Variants in DIS3L2 observed in about 807,000 individuals in gnomAD.
DIS3L2 encodes the protein DIS3 like 3'-5' exoribonuclease 2, also known as DIS3-like exonuclease 2.
In DIS3L2, 34 loss-of-function variants were observed where a neutral mutation model predicts 97.5. That is an observed-to-expected ratio of 0.35 (90% CI 0.27 to 0.46). The LOEUF (loss-of-function observed/expected upper bound fraction) is 0.46. Ranked by LOEUF, DIS3L2 falls within the 20% of genes least tolerant of loss-of-function variation. The probability of loss-of-function intolerance (pLI) is 1.00; values close to 1 mark genes in which losing one functional copy is unlikely to be tolerated. For synonymous variants in DIS3L2, 435 were observed against 445.2 expected (o/e 0.98, Z 0.29); for missense variants, 1,038 against 1,146.0 (o/e 0.91, Z 1.36).
intron 9 of DIS3L2, among the ~76,000 whole-genome samples, chr2:232,165,439 A>G (rs1375167252): frequency 6.6e-6 from 1 of 152,218 alleles, no homozygotes; most frequent in Non-Finnish European, 1.5e-5. Context: ...AACAGTGACT[A>G]CCATGGAGAG....
chr2:232,095,414 A>G (rs1574870951), intron 6 of DIS3L2, among the ~76,000 whole-genome samples: 1 of 152,366 alleles, frequency 6.6e-6, no homozygotes, highest in East Asian at 1.9e-4. Flanking sequence ...TTTTATAAAT[A>G]AATAAGCAAA....
Position 232,336,564 on chromosome 2 carries a change from C to A in DIS3L2, c.2592C>A (p.Gly864=). 6.2e-7 allele frequency: 1 copy of A among 1,609,466 alleles called. No homozygotes were observed. The highest frequency in any genetic ancestry group is 8.5e-7 in the Non-Finnish European group (1 of 1,179,946). Residue 864 remains glycine, a synonymous_variant, in exon 21 of 21, where the codon GGC becomes GGA. Coordinates refer to ENST00000325385, the MANE Select transcript of DIS3L2 (RefSeq NM_152383.5). ...SAILKRPGTQ[G]HLGPEKEEEE... ...TCCTGAAGCGGCCAGGCACCCAGGG[C>A]CACCTGGGCCCTGAGAAGGAGGAGG...
intron 1 of DIS3L2, among the ~76,000 whole-genome samples, chr2:231,971,209 G>A (rs1165987379): frequency 6.6e-6 from 1 of 151,504 alleles, no homozygotes; most frequent in Non-Finnish European, 1.5e-5. Flanking sequence ...GGAGGTGCGT[G>A]TACAGGTTTG....
chr2:232,193,443 G>T (rs1691668937), intron 9 of DIS3L2, among the ~76,000 whole-genome samples: 1 of 152,252 alleles, frequency 6.6e-6, no homozygotes, highest in Middle Eastern at 3.4e-3. Flanking sequence ...GTAATAACAG[G>T]TATAGTGCTT....
At chr2:231,973,763 T>G (rs980543872) in intron 1 of DIS3L2, among the ~76,000 whole-genome samples, 2 of 152,168 alleles carry the variant, frequency 1.3e-5, no homozygotes, top group Admixed American at 6.5e-5. Context: ...AGCTGATTAC[T>G]CCTATATCTC....
At chr2:232,333,194 TCCTCCTCCTCCTCC>T (rs1695810825) in intron 16 of DIS3L2, among the ~76,000 whole-genome samples, 1 of 61,098 alleles carries the variant, frequency 1.6e-5, no homozygotes, top group Non-Finnish European at 2.8e-5. Context: ...CTCCTCCTCC[TCCTCCTCCTCCTCC>T]TCCTCCTCCT....
intron 10 of DIS3L2, among the ~76,000 whole-genome samples, chr2:232,219,698 T>C (rs529011446): frequency 6.6e-6 from 1 of 152,252 alleles, no homozygotes; most frequent in African/African-American, 2.4e-5. Flanking sequence ...CTTATTTCCT[T>C]GCCAGGTGTC....
chr2:232,072,607 AT>A (rs544334736), intron 5 of DIS3L2, among the ~76,000 whole-genome samples: 175 of 152,254 alleles, frequency 1.1e-3, no homozygotes, highest in Middle Eastern at 6.8e-3. Flanking sequence ...CATATCACTT[AT>A]GTTTCATAGG....
intron 9 of DIS3L2, among the ~76,000 whole-genome samples, chr2:232,194,158 T>C (rs139140188): frequency 2.0e-5 from 3 of 152,186 alleles, no homozygotes; most frequent in Admixed American, 6.5e-5. Flanking sequence ...ATATTTGTTA[T>C]CTCTACTATA....
intron 9 of DIS3L2, among the ~76,000 whole-genome samples, chr2:232,185,050 G>A (rs896468225): frequency 6.6e-6 from 1 of 152,152 alleles, no homozygotes; most frequent in African/African-American, 2.4e-5. Flanking sequence ...ACTTAAATAT[G>A]ACTCTGTCTC....
At chr2:232,124,342 T>C (rs999538084) in intron 6 of DIS3L2, among the ~76,000 whole-genome samples, 1 of 152,038 alleles carries the variant, frequency 6.6e-6, no homozygotes, top group Admixed American at 6.5e-5. Flanking sequence ...ACATAGCAAA[T>C]TGGAAAAGAA....
intron 6 of DIS3L2, among the ~76,000 whole-genome samples, chr2:232,108,344 C>T (rs1217706440): frequency 6.6e-6 from 1 of 152,134 alleles, no homozygotes; most frequent in Non-Finnish European, 1.5e-5. Flanking sequence ...TAAAATCTCT[C>T]AATAAACTAG....
At chr2:232,240,878 A>G (rs975087383) in intron 11 of DIS3L2, among the ~76,000 whole-genome samples, 1 of 152,208 alleles carries the variant, frequency 6.6e-6, no homozygotes, top group African/African-American at 2.4e-5. Flanking sequence ...CAAAATCAGA[A>G]AATGAAAAAA....
intron 9 of DIS3L2, among the ~76,000 whole-genome samples, chr2:232,182,868 T>G (rs1231747582): frequency 1.3e-5 from 2 of 152,224 alleles, no homozygotes; most frequent in African/African-American, 4.8e-5. Context: ...CCTCCCTTCA[T>G]TTCCAAGGTT....
chr2:232,014,875 A>G lies in DIS3L2; in HGVS notation c.-53A>G. 6.3e-7 allele frequency: 1 copy of G among 1,598,912 alleles called. No homozygotes were observed. Among genetic ancestry groups the G allele is most frequent in the South Asian group, 1.1e-5 (1 of 90,240 alleles). ...CTGCTCAAGGCGGGAACTCTGAGCTAAGCAGTGGAGGTTTCTCTGGATCTG... is the reference window on the plus strand; with the variant it reads ...CTGCTCAAGGCGGGAACTCTGAGCTGAGCAGTGGAGGTTTCTCTGGATCTG... On this transcript the variant is annotated 5_prime_UTR_variant, in exon 2 of 21. An upstream open reading frame in the 5' UTR loses its in-frame stop. Transcript: ENST00000325385.
intron 20 of DIS3L2, 197 bp from the exon 21 acceptor site, chr2:232,336,272 C>T (rs1254527014): frequency 7.8e-6 from 12 of 1,545,854 alleles, no homozygotes; most frequent in African/African-American, 5.5e-5. Context: ...TGGGAGCGCT[C>T]AGGATGCATC....
chr2:232,146,307 G>T (rs572489124), intron 8 of DIS3L2, among the ~76,000 whole-genome samples: 2 of 152,178 alleles, frequency 1.3e-5, no homozygotes, highest in Non-Finnish European at 2.9e-5. Flanking sequence ...TTCTGTTGCA[G>T]AGTGAATGGA....
chr2:232,107,369 TAGA>T (rs892943243), intron 6 of DIS3L2, among the ~76,000 whole-genome samples: 51 of 152,212 alleles, frequency 3.4e-4, no homozygotes, highest in African/African-American at 1.2e-3. Flanking sequence ...GCTAGACTAA[TAGA>T]AGGAGAGAAG....
intron 1 of DIS3L2, among the ~76,000 whole-genome samples, chr2:231,973,220 C>T (rs1463269993): frequency 6.6e-6 from 1 of 152,078 alleles, no homozygotes; most frequent in Non-Finnish European, 1.5e-5. Flanking sequence ...TTAAAGTTAT[C>T]TATTACTTGA....
Sources: allele counts gnomAD v4.1 joint callset (sites outside exome capture counted in the v4.1 genomes callset), GRCh38; gene constraint gnomAD v4.1.1; transcripts MANE v1.5; gene names NCBI Gene and HGNC (gene_info 2026-07-23, HGNC 2026-07-21).